The following FAM13A variants were observed in gnomAD, a reference collection of about 807,000 sequenced individuals.
The protein encoded by FAM13A is family with sequence similarity 13 member A.
A neutral mutation model predicts 129.6 loss-of-function variants in FAM13A; 76 were observed. The observed-to-expected ratio is 0.59, with a 90% CI of 0.49 to 0.71. The LOEUF is 0.71. Among genes scored for constraint, FAM13A ranks in the 30% least tolerant of loss-of-function variants. The pLI, the probability that FAM13A is intolerant of heterozygous loss-of-function variation, is 0.00. For synonymous variants in FAM13A, 443 were observed against 449.9 expected (o/e 0.98, Z 0.20); for missense variants, 1,108 against 1,249.3 (o/e 0.89, Z 1.70).
intron 4 of FAM13A, among the ~76,000 whole-genome samples, chr4:88,947,349 C>T (rs1756072852): frequency 1.3e-5 from 2 of 152,142 alleles, no homozygotes. Context: ...AGGCAGACTG[C>T]AGTGAGCTAT....
chr4:88,883,886 T>TTACACACA (rs1743999122), intron 6 of FAM13A, among the ~76,000 whole-genome samples: 1 of 151,886 alleles, frequency 6.6e-6, no homozygotes, highest in African/African-American at 2.4e-5. Context: ...ATAAACACGT[T>TTACACACA]TACACACATA....
At chr4:89,040,287 T>A (rs1769941311) in intron 1 of FAM13A, among the ~76,000 whole-genome samples, 1 of 152,212 alleles carries the variant, frequency 6.6e-6, no homozygotes, top group Non-Finnish European at 1.5e-5. Flanking sequence ...CACGGAATGC[T>A]GACTTTTAAA....
At chr4:89,001,055 A>G (rs1162204632) in intron 3 of FAM13A, among the ~76,000 whole-genome samples, 1 of 152,252 alleles carries the variant, frequency 6.6e-6, no homozygotes. Context: ...CCCACTAGTT[A>G]ATACTATCTC....
intron 1 of FAM13A, among the ~76,000 whole-genome samples, chr4:89,054,171 A>T (rs1771939191): frequency 6.6e-6 from 1 of 152,158 alleles, no homozygotes; most frequent in East Asian, 1.9e-4. Flanking sequence ...AAAGAGTTTA[A>T]AAAAGAAAAG....
At chr4:89,033,710 T>C (rs2670618) in intron 1 of FAM13A, among the ~76,000 whole-genome samples, 15,929 of 152,192 alleles carry the variant, frequency 0.1, 907 homozygotes, top group African/African-American at 0.14. Context: ...ATACAGTAAA[T>C]AGGACAAATT....
At chr4:89,002,049 A>T (rs1489405232) in intron 3 of FAM13A, among the ~76,000 whole-genome samples, 1 of 145,940 alleles carries the variant, frequency 6.9e-6, no homozygotes, top group Non-Finnish European at 1.5e-5. Flanking sequence ...TTGTGGGGGT[A>T]AAAAAAAAAG....
chr4:89,032,858 T>C (rs1768887359), intron 1 of FAM13A, among the ~76,000 whole-genome samples: 1 of 152,188 alleles, frequency 6.6e-6, no homozygotes, highest in Admixed American at 6.5e-5. Flanking sequence ...CTCCACCAGC[T>C]GAATCAGATC....
At chr4:88,880,970 G>A (rs1184548419) in intron 6 of FAM13A, among the ~76,000 whole-genome samples, 2 of 152,110 alleles carry the variant, frequency 1.3e-5, no homozygotes, top group African/African-American at 4.8e-5. Flanking sequence ...CCCGACAGCA[G>A]CCACAGCAAG....
intron 9 of FAM13A, among the ~76,000 whole-genome samples, chr4:88,789,909 T>C (rs1724783387): frequency 6.6e-6 from 1 of 152,086 alleles, no homozygotes; most frequent in Non-Finnish European, 1.5e-5. Context: ...CAGTAGGTCA[T>C]GTGGCTGAAG....
chr4:88,915,055 A>G (rs1256834057), intron 5 of FAM13A, among the ~76,000 whole-genome samples: 1 of 152,216 alleles, frequency 6.6e-6, no homozygotes, highest in Non-Finnish European at 1.5e-5. Flanking sequence ...GAAGACAGAG[A>G]GCAATACTGA....
At chr4:88,744,571 A>G (rs745545260) in intron 19 of FAM13A, among the ~76,000 whole-genome samples, 51 of 152,268 alleles carry the variant, frequency 3.3e-4, no homozygotes, top group Middle Eastern at 3.4e-3. Flanking sequence ...AAAAAAATCC[A>G]TTGAGTTTTG....
chr4:88,901,900 A>C (rs1193685299), intron 6 of FAM13A, among the ~76,000 whole-genome samples: 2 of 152,152 alleles, frequency 1.3e-5, no homozygotes, highest in Admixed American at 1.3e-4. Flanking sequence ...AGAAATAATA[A>C]GGGGGATATT....
chr4:88,913,093 AGAG>A (rs1249621468), intron 5 of FAM13A, among the ~76,000 whole-genome samples: 13 of 150,704 alleles, frequency 8.6e-5, no homozygotes, highest in South Asian at 2.1e-4. Flanking sequence ...AAGAAGAAGA[AGAG>A]GAGGAGGAGG....
intron 19 of FAM13A, 96 bp downstream of exon 19, chr4:88,746,836 C>T: frequency 1.2e-6 from 1 of 808,594 alleles, no homozygotes; most frequent in Admixed American, 2.0e-5. Flanking sequence ...AGCAAGCAAA[C>T]ATTAGGGAAC....
intron 3 of FAM13A, among the ~76,000 whole-genome samples, chr4:89,013,802 T>C (rs1333352098): frequency 6.6e-6 from 1 of 152,224 alleles, no homozygotes; most frequent in Non-Finnish European, 1.5e-5. Context: ...CGACATTTCA[T>C]TCAAGGTCAT....
At position 88,838,176 on chromosome 4, in the gene FAM13A, A is replaced by G. The variant is rs145879060; in HGVS notation, c.1007+12844T>C. Reference sequence around the variant, plus strand: ...GTCCATGAATTTCGGTACCCAAGGGAGGTCCTGAAACCTACCCCCAGGGAT... The same window carrying G: ...GTCCATGAATTTCGGTACCCAAGGGGGGTCCTGAAACCTACCCCCAGGGAT... On this transcript the variant is annotated intron_variant, in intron 7 of 23. Coordinates refer to ENST00000264344, the MANE Select transcript of FAM13A (RefSeq NM_014883.4). Among the ~76,000 whole-genome samples, 205 of 97,216 alleles carry G rather than the reference A, an allele frequency of 2.1e-3. 1 individual carries two copies. The highest frequency in any genetic ancestry group is 0.011 in the African/African-American group (197 of 18,700). 63.8% of individuals were successfully genotyped at this position (97,216 alleles called of 152,430 possible).
chr4:88,769,745 T>C (rs528719889), intron 11 of FAM13A, among the ~76,000 whole-genome samples: 3 of 152,048 alleles, frequency 2.0e-5, no homozygotes, highest in African/African-American at 4.8e-5. Context: ...GGCAGGAGAA[T>C]TGCTTGAACC....
rs988436070 is a variant in FAM13A at position 88,984,753 on chromosome 4, C to G, written c.605+6220G>C. Among the ~76,000 whole-genome samples the G allele has an allele frequency of 9.2e-5, 14 of 152,058 alleles. 1 individual carries two copies. Among genetic ancestry groups the G allele is most frequent in the African/African-American group, 3.4e-4 (14 of 41,472 alleles). On this transcript the variant is annotated intron_variant, in intron 4 of 23. Coordinates refer to ENST00000264344, the MANE Select transcript of FAM13A (RefSeq NM_014883.4). ...TATTAGGTCCTCAGGTTTTATTTTT[C>G]TTTGAATATTTATTTTATATTAGTC...
chr4:88,944,378 C>T (rs968997439), intron 4 of FAM13A, among the ~76,000 whole-genome samples: 1 of 152,132 alleles, frequency 6.6e-6, no homozygotes, highest in Non-Finnish European at 1.5e-5. Flanking sequence ...AATTTGCCCT[C>T]TTTATAACAT....
Sources: allele counts gnomAD v4.1 joint callset (sites outside exome capture counted in the v4.1 genomes callset), GRCh38; gene constraint gnomAD v4.1.1; transcripts MANE v1.5; gene names NCBI Gene and HGNC (gene_info 2026-07-23, HGNC 2026-07-21).